Variants in NRK observed in about 807,000 individuals in gnomAD.
NRK encodes nik-related protein kinase.
In NRK, 67 loss-of-function variants were observed where a neutral mutation model predicts 125.2. The ratio of observed to expected loss-of-function variants is 0.54; its 90% CI spans 0.44 to 0.66. The LOEUF (loss-of-function observed/expected upper bound fraction) is 0.66, where lower values mean the gene tolerates loss of function less well. Ranked by LOEUF, NRK falls within the 30% of genes least tolerant of loss-of-function variation. The pLI is 0.00. For missense variants in NRK, 1,224 were observed against 1,192.9 expected, an observed-to-expected ratio of 1.03 and a Z score of -0.38; for synonymous variants, 458 against 429.0, an observed-to-expected ratio of 1.07 and a Z score of -0.84.
At chrX:105,884,581 A>G (rs2039919439) in intron 4 of NRK, among the ~76,000 whole-genome samples, 1 of 111,758 alleles carries the variant, frequency 8.9e-6, no homozygotes, top group African/African-American at 3.3e-5. Flanking sequence ...ATGTTTAGTT[A>G]CCAATTCATT....
At chrX:105,839,615 T>C (rs144804182) in intron 2 of NRK, among the ~76,000 whole-genome samples, 90 of 112,303 alleles carry the variant, frequency 8.0e-4, no homozygotes, top group African/African-American at 2.6e-3. Context: ...GTGTAAACCA[T>C]TCTGTAATAA....
intron 25 of NRK, 99 bp downstream of exon 25, chrX:105,946,114 C>G (rs2040809509): frequency 1.1e-6 from 1 of 890,330 alleles, no homozygotes. Flanking sequence ...TATTTTGAAG[C>G]TATTGAACAT....
chrX:105,880,883 T>G (rs1448876971), intron 3 of NRK, among the ~76,000 whole-genome samples: 8 of 111,453 alleles, frequency 7.2e-5, no homozygotes, highest in Non-Finnish European at 1.3e-4. Flanking sequence ...CAAGATAATA[T>G]TATCATAAAC....
At chrX:105,858,648 G>C (rs756651050) in intron 2 of NRK, among the ~76,000 whole-genome samples, 76 of 110,976 alleles carry the variant, frequency 6.8e-4, no homozygotes, top group African/African-American at 2.4e-3. Flanking sequence ...ACTAGTATCT[G>C]ATTAAGCTCA....
At chrX:105,876,312 G>A (rs1353551346) in intron 2 of NRK, among the ~76,000 whole-genome samples, 1 of 111,057 alleles carries the variant, frequency 9.0e-6, no homozygotes, top group African/African-American at 3.3e-5. Context: ...GCAGTGTAAT[G>A]CATATGTTAA....
chrX:105,904,343 AG>A (rs2040194748), intron 9 of NRK, among the ~76,000 whole-genome samples: 1 of 111,854 alleles, frequency 8.9e-6, no homozygotes, highest in Admixed American at 9.5e-5. Context: ...TAATTTATAT[AG>A]CACATATTGG....
At chrX:105,918,529 C>T (rs1414445157) in intron 16 of NRK, among the ~76,000 whole-genome samples, 1 of 111,499 alleles carries the variant, frequency 9.0e-6, no homozygotes, top group Non-Finnish European at 1.9e-5. Flanking sequence ...CAGATTATGG[C>T]AGAGTTCTTT....
At chrX:105,919,353 T>A (rs772597202) in intron 16 of NRK, among the ~76,000 whole-genome samples, 5 of 111,672 alleles carry the variant, frequency 4.5e-5, no homozygotes, top group African/African-American at 1.6e-4. Context: ...AACTCAATAT[T>A]AAAACCTAAT....
intron 19 of NRK, 71 bp downstream of exon 19, chrX:105,925,102 A>C: frequency 1.3e-6 from 1 of 772,437 alleles, no homozygotes; most frequent in South Asian, 2.7e-5. Context: ...GACATGTAGC[A>C]TTTCTAGCCA....
At chrX:105,873,957 C>T (rs914621755) in intron 2 of NRK, among the ~76,000 whole-genome samples, 4 of 112,206 alleles carry the variant, frequency 3.6e-5, no homozygotes, top group South Asian at 3.6e-4. Context: ...TTATGTTTCA[C>T]CTGATTTTAT....
At chrX:105,870,347 G>T (rs2039728818) in intron 2 of NRK, among the ~76,000 whole-genome samples, 1 of 111,449 alleles carries the variant, frequency 9.0e-6, no homozygotes, top group African/African-American at 3.3e-5. Context: ...AGTTTCCTCA[G>T]CATGTGCAGT....
chrX:105,884,368 G>A (rs1434487235), intron 4 of NRK, among the ~76,000 whole-genome samples: 3 of 109,490 alleles, frequency 2.7e-5, no homozygotes, highest in South Asian at 3.9e-4. Flanking sequence ...TATAAATACC[G>A]GGCATTTTAG....
rs980837044 is a variant in NRK, at chrX:105,923,500, A to G, written c.2975+18A>G. ...TGTCCAAGGTTGGTTTTTTTGAATT[A>G]CTTATACTCTCCATGTTTTATGACT... On this transcript the variant is annotated intron_variant, in intron 18 of 28. Coordinates refer to ENST00000243300, the MANE Select transcript of NRK (RefSeq NM_198465.4). 3 of 1,068,694 alleles carry G rather than the reference A, an allele frequency of 2.8e-6. No homozygotes were observed. The highest frequency in any genetic ancestry group is 3.7e-6 in the Non-Finnish European group (3 of 811,157). The allele number at this position is 1,068,694 out of a possible 1,213,427, so 88.1% of individuals were successfully genotyped here. A position where few individuals can be genotyped will look rare whatever the true frequency, so the allele number is the denominator to read the frequency against.
intron 2 of NRK, among the ~76,000 whole-genome samples, chrX:105,851,179 G>A (rs766943589): frequency 1.8e-5 from 2 of 112,045 alleles, no homozygotes; most frequent in Admixed American, 1.9e-4. Context: ...TATTTCTGTG[G>A]TTCTTAAGTA....
At chrX:105,875,546 A>T (rs2147700495) in intron 2 of NRK, among the ~76,000 whole-genome samples, 1 of 111,528 alleles carries the variant, frequency 9.0e-6, no homozygotes, top group Admixed American at 9.6e-5. Flanking sequence ...GGAGGACAGG[A>T]CTTAATAAAT....
chrX:105,920,305 T>C lies in NRK; in HGVS notation c.2513-1659T>C, dbSNP rs200836516. ...TGTTTTGGTTACTGTAGCCTTGTAATATAGTTTGAAGTGAGGTAGTGTGAT... is the reference window on the plus strand; with the variant it reads ...TGTTTTGGTTACTGTAGCCTTGTAACATAGTTTGAAGTGAGGTAGTGTGAT... On this transcript the variant is annotated intron_variant, in intron 16 of 28. Transcript: ENST00000243300. 7.4e-5 allele frequency among the ~76,000 whole-genome samples: 8 copies of C among 107,946 alleles called. No homozygotes were observed. The East Asian group carries it at 1.7e-3, about 23-fold the overall frequency. The allele number at this position is 107,946 out of a possible 115,157, so 93.7% of individuals were successfully genotyped here. A position where few individuals can be genotyped will look rare whatever the true frequency, so the allele number is the denominator to read the frequency against.
chrX:105,861,038 T>C (rs1412455813), intron 2 of NRK, among the ~76,000 whole-genome samples: 1 of 111,278 alleles, frequency 9.0e-6, no homozygotes, highest in Admixed American at 9.6e-5. Context: ...TGTGTGACTT[T>C]TTGAGGAGCT....
At chrX:105,843,916 A>C (rs2147656432) in intron 2 of NRK, among the ~76,000 whole-genome samples, 1 of 109,463 alleles carries the variant, frequency 9.1e-6, no homozygotes, top group East Asian at 2.9e-4. Flanking sequence ...AAAAAAAATT[A>C]ATGGCTTGAA....
intron 2 of NRK, among the ~76,000 whole-genome samples, chrX:105,875,468 T>C (rs904315709): frequency 1.8e-5 from 2 of 111,336 alleles, no homozygotes; most frequent in African/African-American, 6.5e-5. Context: ...AACTCATGCT[T>C]AAATGTTAGT....
Sources: gnomAD v4.1 joint callset for allele counts (sites outside exome capture counted in the v4.1 genomes callset) on GRCh38, gnomAD v4.1.1 for gene constraint, MANE v1.5 for transcripts, NCBI Gene and HGNC (gene_info 2026-07-23, HGNC 2026-07-21) for gene names.